The following TNK1 variants were observed in gnomAD, a reference collection of about 807,000 sequenced individuals.
TNK1 encodes the protein non-receptor tyrosine-protein kinase TNK1.
TNK1 carries 53 observed loss-of-function variants against 65.2 expected under a neutral mutation model. The ratio of observed to expected loss-of-function variants is 0.81; its 90% CI spans 0.65 to 1.02. TNK1 has a LOEUF of 1.02. TNK1 is among the 50% of genes least tolerant of loss of function. TNK1 has a pLI of 0.00. For synonymous variants in TNK1, 353 were observed against 364.6 expected, an observed-to-expected ratio of 0.97 and a Z score of 0.36; for missense variants, 837 against 878.4, an observed-to-expected ratio of 0.95 and a Z score of 0.60.
At chr17:7,385,226 C>G (rs1905113777) in intron 7 of TNK1, among the ~76,000 whole-genome samples, 2 of 151,816 alleles carry the variant, frequency 1.3e-5, no homozygotes, top group African/African-American at 2.4e-5. Context: ...TTAGCTGGGT[C>G]TGGTGGTGCA....
At chr17:7,385,843 G>A (rs1905156812) in intron 7 of TNK1, among the ~76,000 whole-genome samples, 1 of 152,170 alleles carries the variant, frequency 6.6e-6, no homozygotes, top group Admixed American at 6.5e-5. Flanking sequence ...GGGATTACAG[G>A]CATGAGCCAC....
At position 7,384,182 on chromosome 17, in the gene TNK1, G is replaced by C; in HGVS notation, c.795G>C (p.Gly265=). ...SPRTIKVADF[G]LVRPLGGARG... is the part of the protein sequence containing the mutation. The stretch of plus-strand genomic sequence containing the variant: ...GCACCATCAAGGTGGCTGACTTCGG[G>C]CTGGTGCGGCCTCTGGGCGGTGCCC... The change falls in exon 6 of 13, where the codon GGG becomes GGC. Residue 265 remains glycine (G), a synonymous_variant. Coordinates refer to ENST00000688331, the MANE Select transcript of TNK1 (RefSeq NM_003985.6). The C allele has an allele frequency of 6.5e-7, 1 of 1,533,726 alleles. No individual in the cohort carries two copies. Among genetic ancestry groups the C allele is most frequent in the East Asian group, 2.5e-5 (1 of 40,558 alleles).
chr17:7,384,783 C>G, intron 7 of TNK1, 29 bp downstream of exon 7: 7 of 1,553,926 alleles, frequency 4.5e-6, no homozygotes, highest in Non-Finnish European at 6.1e-6. Flanking sequence ...ACCAGATACA[C>G]AGTCCCTCTT....
At chr17:7,384,301 G>C in intron 6 of TNK1, 48 bp downstream of exon 6, 3 of 1,436,638 alleles carry the variant, frequency 2.1e-6, no homozygotes, top group Non-Finnish European at 2.7e-6. Context: ...GGCGGATCCG[G>C]AGGGCAGCAG....
chr17:7,382,193 G>A lies in TNK1; in HGVS notation c.-91-643G>A, dbSNP rs1597675368. ...AGGCAGAAGAATTGCTTGAACCCGG[G>A]AGGCGGAGGTTGCAGCGAGCTGAGA... On this transcript the variant is annotated intron_variant, in intron 1 of 12. Coordinates refer to ENST00000688331, the MANE Select transcript of TNK1 (RefSeq NM_003985.6). This position sits in a 1 kb window ranked among gnomAD's most constrained non-coding sequence, Gnocchi z 4.1. Among the ~76,000 whole-genome samples the A allele has an allele frequency of 6.6e-6, 1 of 151,432 alleles. No homozygotes were observed. The highest frequency in any genetic ancestry group is 1.9e-4 in the East Asian group (1 of 5,150).
At chr17:7,385,785 G>A (rs1481598677) in intron 7 of TNK1, among the ~76,000 whole-genome samples, 2 of 152,088 alleles carry the variant, frequency 1.3e-5, no homozygotes, top group Non-Finnish European at 2.9e-5. Context: ...GGCTGGTTTC[G>A]AACTCCTGAC....
chr17:7,387,600 T>G, intron 10 of TNK1, 143 bp downstream of exon 10: 1 of 573,096 alleles, frequency 1.7e-6, no homozygotes, highest in Non-Finnish European at 2.8e-6. Context: ...TACTGTGCAA[T>G]CTATTTTTTT....
chr17:7,381,785 G>A (rs12948090), intron 1 of TNK1, among the ~76,000 whole-genome samples: 60,450 of 152,086 alleles, frequency 0.4, 12,551 homozygotes, highest in South Asian at 0.58. Flanking sequence ...ACTGTACCTC[G>A]ATGTCTGTGT....
chr17:7,385,202 TA>T, intron 7 of TNK1, among the ~76,000 whole-genome samples: 1 of 151,802 alleles, frequency 6.6e-6, no homozygotes, highest in East Asian at 2.0e-4. Context: ...CCGTCTCTAC[TA>T]AAAAATACAA....
chr17:7,387,117 C>T lies in TNK1; in HGVS notation c.1360C>T (p.Pro454Ser). The T allele has an allele frequency of 6.2e-7, 1 of 1,603,078 alleles. No homozygotes were observed. Among genetic ancestry groups the T allele is most frequent in the Non-Finnish European group, 8.5e-7 (1 of 1,174,020 alleles). Residue 454 changes from proline to serine, a missense_variant, in exon 9 of 13, where the codon CCT (proline) becomes TCT (serine). By Grantham distance (74) the Pro-to-Ser change is moderately conservative. Transcript: ENST00000688331. ...PATRPVHRGTPARGDQHPGSI... is the reference protein window; with the variant it reads ...PATRPVHRGTSARGDQHPGSI... ...CACCCGTCCAGTCCACAGAGGCACC[C>T]CTGCCCGGGGAGATCAACACCCAGG...
rs1489560595 is a variant in TNK1, at chr17:7,384,710, G to A, written c.1093G>A (p.Ala365Thr). 3 of 1,588,514 alleles carry A rather than the reference G, an allele frequency of 1.9e-6. No homozygotes were observed. Among genetic ancestry groups the A allele is most frequent in the East Asian group, 2.3e-5 (1 of 43,538 alleles). Residue 365 changes from alanine (A) to threonine (T), a missense_variant, in exon 7 of 13, where the codon GCC becomes ACC. By Grantham distance (58) the Ala-to-Thr change is moderately conservative (BLOSUM62 0). Transcript: ENST00000688331. ...CTTGCGCTGCTGGGCCCCCCACCCT[G>A]CCGACCGGCCTAGCTTTTCCCACCT... ...LALRCWAPHPADRPSFSHLEG... is the reference protein window; with the variant it reads ...LALRCWAPHPTDRPSFSHLEG...
In TNK1 at chr17:7,383,106, C is replaced by G. The variant is rs1904921829; in HGVS notation, c.163+17C>G. ...GCCGGCCTGGTGAGGGACCCCTGCC[C>G]CGAGGCCCTGGTCTCTCTGTCCACA... On this transcript the variant is annotated intron_variant, in intron 2 of 12. Transcript: ENST00000688331. The G allele has an allele frequency of 6.2e-7, 1 of 1,613,790 alleles. No individual in the cohort carries two copies. Among genetic ancestry groups the G allele is most frequent in the Non-Finnish European group, 8.5e-7 (1 of 1,179,776 alleles).
intron 7 of TNK1, among the ~76,000 whole-genome samples, 162 bp from the exon 8 acceptor site, chr17:7,386,399 G>A (rs189445947): frequency 7.7e-4 from 117 of 152,218 alleles, no homozygotes; most frequent in Admixed American, 4.1e-3. Flanking sequence ...ATGGGATCCA[G>A]GTCTGCCTCC....
chr17:7,384,803 C>T (rs774718705), intron 7 of TNK1, 49 bp downstream of exon 7: 37 of 1,534,480 alleles, frequency 2.4e-5, no homozygotes, highest in Non-Finnish European at 3.1e-5. Context: ...TCCCTCCATT[C>T]GCTCTCCCAG....
Position 7,384,724 on chromosome 17 carries a change from C to A in TNK1, c.1107C>A (p.Ser369Arg). Residue 369 changes from serine (S) to arginine (R), a missense_variant, in exon 7 of 13, where the codon AGC becomes AGA. Transcript: ENST00000688331. ...CCCCCCACCCTGCCGACCGGCCTAGCTTTTCCCACCTGGAGGGGCTGCTGC... is the reference window on the plus strand; with the variant it reads ...CCCCCCACCCTGCCGACCGGCCTAGATTTTCCCACCTGGAGGGGCTGCTGC... ...CWAPHPADRP[S>R]FSHLEGLLQE... 1 of 1,584,138 alleles carries A rather than the reference C, an allele frequency of 6.3e-7. No homozygotes were observed. The highest frequency in any genetic ancestry group is 8.6e-7 in the Non-Finnish European group (1 of 1,169,534).
At position 7,387,375 on chromosome 17, in the gene TNK1, CAG is replaced by C. The variant is rs1905239314; in HGVS notation, c.1399_1400del. 6.2e-7 allele frequency: 1 copy of C among 1,602,064 alleles called. No individual in the cohort carries two copies. Among genetic ancestry groups the C allele is most frequent in the Non-Finnish European group, 8.5e-7 (1 of 1,174,584 alleles). On this transcript the variant is annotated splice_acceptor_variant, in intron 9 of 12. Coordinates refer to ENST00000688331, the MANE Select transcript of TNK1 (RefSeq NM_003985.6). LOFTEE classifies it high-confidence loss of function. ...GAGGATGAACTGGATCCCTCTCCGA[CAG>C]AGACAGAAAGAAGGCAAATCTTTGG...
chr17:7,386,976 T>A lies in TNK1; in HGVS notation c.1233-14T>A. 6.5e-7 allele frequency: 1 copy of A among 1,537,152 alleles called. No individual in the cohort carries two copies. The highest frequency in any genetic ancestry group is 8.8e-7 in the Non-Finnish European group (1 of 1,137,824). ...CCTTATTCCCATCCTATTTACCAGC[T>A]CCTCTTTCCACAGCCCCGACTCCAC... is the stretch of plus-strand genomic sequence containing the variant. On this transcript the variant is annotated splice_polypyrimidine_tract_variant and intron_variant, in intron 8 of 12. Transcript: ENST00000688331.
In TNK1 at chr17:7,389,130, C is replaced by A. The variant is rs563791157; in HGVS notation, c.*46C>A. 4 of 1,474,922 alleles carry A rather than the reference C, an allele frequency of 2.7e-6. No homozygotes were observed. The South Asian group carries it at 3.6e-5, about 13-fold the overall frequency. The allele number at this position is 1,474,922 out of a possible 1,614,324, so 91.4% of individuals were successfully genotyped here. ...GACACCAGCATGAAAAGCCTAGGCC[C>A]CTGAGGGCCTGGCCACATGGGACCA... is the stretch of plus-strand genomic sequence containing the variant. On this transcript the variant is annotated 3_prime_UTR_variant, in exon 13 of 13. Transcript: ENST00000688331.
chr17:7,387,977 C>T (rs1037168339), intron 10 of TNK1, among the ~76,000 whole-genome samples: 2 of 152,194 alleles, frequency 1.3e-5, no homozygotes, highest in African/African-American at 4.8e-5. Context: ...CACTCTGGGC[C>T]CTGAGCTCTG....
Sources: gnomAD v4.1 joint callset for allele counts (sites outside exome capture counted in the v4.1 genomes callset) on GRCh38, gnomAD v4.1.1 for gene constraint, Gnocchi (gnomAD v3.1) non-coding constraint, MANE v1.5 for transcripts, NCBI Gene and HGNC (gene_info 2026-07-23, HGNC 2026-07-21) for gene names.